LRRC9: variants seen among roughly 807,000 people sequenced by gnomAD.
LRRC9 encodes leucine rich repeat containing 9, also known as leucine-rich repeat-containing protein 9.
In LRRC9, 122 loss-of-function variants were observed where a neutral mutation model predicts 63.2. The observed-to-expected ratio is 1.93, with a 90% CI of 1.67 to 2.24. LRRC9 has a LOEUF of 2.24. LRRC9 is among the 30% of genes most tolerant of loss of function. The pLI is 0.00. For synonymous variants in LRRC9, 366 were observed against 213.1 expected (o/e 1.72, Z -6.25); for missense variants, 1,071 against 627.7 (o/e 1.71, Z -7.55).
intron 23 of LRRC9, among the ~76,000 whole-genome samples, chr14:60,013,868 A>G (rs1296194281): frequency 6.6e-6 from 1 of 152,042 alleles, no homozygotes; most frequent in Non-Finnish European, 1.5e-5. Context: ...GCTAATTTTT[A>G]TCTTTTAATT....
chr14:59,962,060 G>A lies in LRRC9; in HGVS notation c.1211+1015G>A, dbSNP rs1294950714. Among the ~76,000 whole-genome samples, 1 of 152,026 alleles carries A rather than the reference G, an allele frequency of 6.6e-6. No homozygotes were observed. Among genetic ancestry groups the A allele is most frequent in the African/African-American group, 2.4e-5 (1 of 41,410 alleles). ...AGAAAAAAAAACTGTTATTGTTATG[G>A]GTTACTTTAAACCAAGTCCCCTGAT... On this transcript the variant is annotated intron_variant, in intron 10 of 31. Coordinates refer to ENST00000445360, the Ensembl canonical transcript of LRRC9. The surrounding 1 kb of genome is among the most constrained non-coding windows in gnomAD (Gnocchi z 5.1).
rs1412983694 is a variant in LRRC9 at position 59,938,853 on chromosome 14, A to C, written c.726+281A>C. Among the ~76,000 whole-genome samples, 1 of 115,766 alleles carries C rather than the reference A, an allele frequency of 8.6e-6. No individual in the cohort carries two copies. The highest frequency in any genetic ancestry group is 3.5e-4 in the East Asian group (1 of 2,830). The allele number at this position is 115,766 out of a possible 152,430, so 75.9% of individuals were successfully genotyped here. A position where few individuals can be genotyped will look rare whatever the true frequency, so the allele number is the denominator to read the frequency against. ...GGAAATTGAAAAAAAATCAGTGTTA[A>C]AAATAGACTAGTGCCATATATATAT... On this transcript the variant is annotated intron_variant, in intron 7 of 31. Coordinates refer to ENST00000445360, the Ensembl canonical transcript of LRRC9. This position sits in a 1 kb window ranked among gnomAD's most constrained non-coding sequence, Gnocchi z 4.2.
rs913633138 is a variant in LRRC9, at chr14:59,922,324, T to C, written c.-34+2441T>C. ...GACCTTGTAGTGGCTTGAGGTGTTC[T>C]CAGTCCAGATGGCAGTGAATCCAGG... On this transcript the variant is annotated intron_variant, in intron 1 of 31. Coordinates refer to ENST00000445360, the Ensembl canonical transcript of LRRC9. This position sits in a 1 kb window ranked among gnomAD's most constrained non-coding sequence, Gnocchi z 5.3. Among the ~76,000 whole-genome samples the C allele has an allele frequency of 2.6e-5, 4 of 152,184 alleles. No homozygotes were observed. Among genetic ancestry groups the C allele is most frequent in the Non-Finnish European group, 5.9e-5 (4 of 68,024 alleles).
exon 24 of LRRC9, chr14:60,016,788 T>C (rs1191634414): frequency 7.3e-6 from 5 of 687,748 alleles, no homozygotes; most frequent in Non-Finnish European, 1.3e-5. Flanking sequence ...CATCATCTAT[T>C]AGGTACAATC....
At chr14:59,931,829 T>C (rs1047422982) in intron 5 of LRRC9, 140 bp from the exon 6 acceptor site, 35 of 609,506 alleles carry the variant, frequency 5.7e-5, no homozygotes, top group Middle Eastern at 4.1e-4. Context: ...ATATTACTCA[T>C]TAATCAGTGG....
At chr14:59,921,897 A>C (rs547540445) in intron 1 of LRRC9, among the ~76,000 whole-genome samples, 1 of 152,066 alleles carries the variant, frequency 6.6e-6, no homozygotes, top group East Asian at 1.9e-4. Flanking sequence ...TAGCCTGGCC[A>C]ATATGGTGAA....
chr14:60,065,660 A>AGAAAG (rs1894868992), downstream of LRRC9, among the ~76,000 whole-genome samples: 1 of 117,732 alleles, frequency 8.5e-6, no homozygotes, highest in Non-Finnish European at 1.8e-5. Flanking sequence ...AAAAAAAAAA[A>AGAAAG]AAAAAACTGT....
intron 12 of LRRC9, among the ~76,000 whole-genome samples, chr14:59,973,760 T>C (rs1885797111): frequency 1.3e-5 from 2 of 152,162 alleles, no homozygotes; most frequent in African/African-American, 4.8e-5. Context: ...GGGCTGACTG[T>C]ATTTATTTTT....
At chr14:60,005,468 A>G (rs1182480507) in intron 21 of LRRC9, among the ~76,000 whole-genome samples, 1 of 152,120 alleles carries the variant, frequency 6.6e-6, no homozygotes, top group Non-Finnish European at 1.5e-5. Context: ...TGGAGAAGAT[A>G]GCTACCCCTC....
At chr14:60,010,748 G>A (rs926094201) in intron 23 of LRRC9, among the ~76,000 whole-genome samples, 4 of 152,070 alleles carry the variant, frequency 2.6e-5, no homozygotes, top group Admixed American at 2.6e-4. Context: ...TCTCTCTCAA[G>A]TTCAAAGTTT....
At chr14:59,943,516 T>C (rs1882017847) in intron 7 of LRRC9, among the ~76,000 whole-genome samples, 1 of 152,180 alleles carries the variant, frequency 6.6e-6, no homozygotes, top group African/African-American at 2.4e-5. Flanking sequence ...AGTTACGGTT[T>C]TTTCTTTTAA....
chr14:59,996,172 A>G (rs542271876), intron 17 of LRRC9, among the ~76,000 whole-genome samples: 1 of 152,336 alleles, frequency 6.6e-6, no homozygotes, highest in East Asian at 1.9e-4. Flanking sequence ...AAATTCTTAT[A>G]AAGCCTAATT....
rs1277973435 is a variant in LRRC9 at position 59,932,009 on chromosome 14, C to A, written c.513C>A (p.Asn171Lys). ...CCAATGAACAACTGGAAAGATTAAA[C>A]CTTTCTGGTAACCAAATATGTTCTT... Residue 171 changes from asparagine to lysine, a missense_variant, in exon 6 of 32, where the codon AAC becomes AAA. Transcript: ENST00000445360. The surrounding 1 kb of genome is among the most constrained non-coding windows in gnomAD (Gnocchi z 4.7). 1.4e-6 allele frequency: 1 copy of A among 699,848 alleles called. No homozygotes were observed. Among genetic ancestry groups the A allele is most frequent in the Non-Finnish European group, 2.6e-6 (1 of 383,480 alleles). The allele number at this position is 699,848 out of a possible 1,614,324, so 43.4% of individuals were successfully genotyped here.
intron 8 of LRRC9, among the ~76,000 whole-genome samples, chr14:59,945,603 T>C (rs1326216778): frequency 1.3e-5 from 2 of 152,010 alleles, no homozygotes; most frequent in Non-Finnish European, 2.9e-5. Context: ...GAATTGATTT[T>C]TTAAAAACCA....
In LRRC9 at chr14:60,003,697, C is replaced by T; in HGVS notation, c.2741C>T (p.Ala914Val). Residue 914 changes from alanine to valine, a missense_variant, in exon 21 of 32, where the codon GCA (alanine) becomes GTA (valine). Ala to Val is a moderately conservative substitution (Grantham distance 64). Coordinates refer to ENST00000445360, the Ensembl canonical transcript of LRRC9. This position sits in a 1 kb window ranked among gnomAD's most constrained non-coding sequence, Gnocchi z 4.2. ...GAAAAATTGGAAAATTTGAAATGGGCATCATTCAGCAATAATAATCTCACT... is the reference window on the plus strand; with the variant it reads ...GAAAAATTGGAAAATTTGAAATGGGTATCATTCAGCAATAATAATCTCACT... 4 of 695,728 alleles carry T rather than the reference C, an allele frequency of 5.7e-6. No individual in the cohort carries two copies. Among genetic ancestry groups the T allele is most frequent in the East Asian group, 2.7e-5 (1 of 36,930 alleles). 43.1% of individuals were successfully genotyped at this position (695,728 alleles called of 1,614,324 possible).
At position 60,053,188 on chromosome 14, in the gene LRRC9, C is replaced by T; in HGVS notation, c.4114C>T (p.Gln1372Ter). The T allele has an allele frequency of 1.4e-6, 1 of 698,806 alleles. No individual in the cohort carries two copies. 43.3% of individuals were successfully genotyped at this position (698,806 alleles called of 1,614,324 possible). A position where few individuals can be genotyped will look rare whatever the true frequency, so the allele number is the denominator to read the frequency against. Residue 1372 changes from glutamine (Q) to a stop codon, truncating the protein, a stop_gained, in exon 30 of 32, where the codon CAA (glutamine) becomes TAA (stop). Transcript: ENST00000445360. LOFTEE classifies it high-confidence loss of function. This position sits in a 1 kb window ranked among gnomAD's most constrained non-coding sequence, Gnocchi z 4.8. ...AGCTGAATTTCACCTCGCTGAACTA[C>T]AAGCAAAGAAAAACTCGGTAATAAT...
rs1417690967 is a variant in LRRC9, at chr14:59,931,699, T to A, written c.472+17T>A. On this transcript the variant is annotated intron_variant, in intron 5 of 31. Transcript: ENST00000445360. ...ATAGCATTGGTATGTACTATTTCAT[T>A]TGGAATCTGAGATAATGCTATAATC... 1 of 677,314 alleles carries A rather than the reference T, an allele frequency of 1.5e-6. No homozygotes were observed. Among genetic ancestry groups the A allele is most frequent in the South Asian group, 1.6e-5 (1 of 62,038 alleles). The allele number at this position is 677,314 out of a possible 1,614,324, so 42.0% of individuals were successfully genotyped here.
chr14:59,926,489 G>A (rs1889218418), intron 1 of LRRC9, among the ~76,000 whole-genome samples: 1 of 152,032 alleles, frequency 6.6e-6, no homozygotes, highest in Admixed American at 6.6e-5. Flanking sequence ...TTGAAGTATA[G>A]CATACATCCA....
chr14:59,958,520 G>A lies in LRRC9; in HGVS notation c.883-1298G>A, dbSNP rs1884029093. Among the ~76,000 whole-genome samples the A allele has an allele frequency of 6.6e-5, 10 of 152,208 alleles. No homozygotes were observed. Among genetic ancestry groups the A allele is most frequent in the Admixed American group, 6.5e-4 (10 of 15,286 alleles). ...AGGTCGACTTCAGACTGCTGTGCTG[G>A]CAGCGAGAATTTCAAGCTAGTGGTT... is the stretch of plus-strand genomic sequence containing the variant. On this transcript the variant is annotated intron_variant, in intron 8 of 31. Coordinates refer to ENST00000445360, the Ensembl canonical transcript of LRRC9. This position sits in a 1 kb window ranked among gnomAD's most constrained non-coding sequence, Gnocchi z 4.0.
Sources: allele counts gnomAD v4.1 joint callset (sites outside exome capture counted in the v4.1 genomes callset), GRCh38; gene constraint gnomAD v4.1.1; non-coding constraint Gnocchi (gnomAD v3.1); transcripts MANE v1.5; gene names NCBI Gene and HGNC (gene_info 2026-07-23, HGNC 2026-07-21).